Variants in ANO2 observed in about 807,000 individuals in gnomAD.
ANO2 encodes the protein anoctamin-2.
A neutral mutation model predicts 124.2 loss-of-function variants in ANO2; 101 were observed. The observed-to-expected ratio is 0.81, with a 90% CI of 0.69 to 0.96. ANO2 has a LOEUF of 0.96. Ranked by LOEUF, ANO2 falls within the 40% of genes least tolerant of loss-of-function variation. ANO2 has a pLI of 0.00. For missense variants in ANO2, 1,293 were observed against 1,274.5 expected (o/e 1.01, Z -0.22); for synonymous variants, 486 against 482.5 (o/e 1.01, Z -0.09).
At chr12:5,586,745 G>A (rs1011273869) in intron 20 of ANO2, among the ~76,000 whole-genome samples, 2 of 152,132 alleles carry the variant, frequency 1.3e-5, no homozygotes, top group African/African-American at 2.4e-5. Context: ...ACCAGAGCCC[G>A]TCATTTTCAT....
At chr12:5,830,721 A>G (rs1434358181) in intron 5 of ANO2, among the ~76,000 whole-genome samples, 1 of 152,240 alleles carries the variant, frequency 6.6e-6, no homozygotes, top group Non-Finnish European at 1.5e-5. Flanking sequence ...ATAAATAAAA[A>G]TGCTTATTGA....
At position 5,563,496 on chromosome 12, in the gene ANO2, T is replaced by C; in HGVS notation, c.2800A>G (p.Ile934Val). ...PDIPTDISDQ[I>V]KKEKSLLVDF... ...ACTAATAAGCTCTTCTCTTTCTTGA[T>C]CTGGTCGCTGATGTCCGTGGGGATG... The change falls in exon 25 of 25, where the codon ATC becomes GTC. Residue 934 changes from isoleucine to valine, a missense_variant. Ile to Val is a conservative substitution (Grantham distance 29, BLOSUM62 3). Transcript: ENST00000682330. The C allele has an allele frequency of 1.9e-6, 3 of 1,613,984 alleles. No homozygotes were observed. The highest frequency in any genetic ancestry group is 2.2e-5 in the East Asian group (1 of 44,870).
At chr12:5,773,690 C>T (rs1565658743) in intron 10 of ANO2, among the ~76,000 whole-genome samples, 1 of 152,152 alleles carries the variant, frequency 6.6e-6, no homozygotes, top group Admixed American at 6.5e-5. Context: ...TGGAGAGAAA[C>T]CAAAGCCCAG....
chr12:5,567,236 T>G (rs554620713), intron 23 of ANO2, among the ~76,000 whole-genome samples: 1 of 152,286 alleles, frequency 6.6e-6, no homozygotes, highest in African/African-American at 2.4e-5. Context: ...CAAAGCTAAC[T>G]GCAGCCCAGC....
At chr12:5,804,622 T>C (rs1953135941) in intron 9 of ANO2, among the ~76,000 whole-genome samples, 1 of 152,212 alleles carries the variant, frequency 6.6e-6, no homozygotes, top group African/African-American at 2.4e-5. Context: ...CCTGACTTCA[T>C]TATATCAGCC....
chr12:5,884,131 G>C (rs1410682878), intron 3 of ANO2, among the ~76,000 whole-genome samples: 1 of 152,166 alleles, frequency 6.6e-6, no homozygotes, highest in Non-Finnish European at 1.5e-5. Context: ...CCATTATAAA[G>C]GGAAGAACAT....
chr12:5,810,166 A>T (rs1388915048), intron 7 of ANO2, among the ~76,000 whole-genome samples: 1 of 152,108 alleles, frequency 6.6e-6, no homozygotes, highest in Non-Finnish European at 1.5e-5. Flanking sequence ...CCTATGGGTG[A>T]TCCCAATCAG....
intron 2 of ANO2, among the ~76,000 whole-genome samples, chr12:5,922,169 C>G (rs1216495273): frequency 6.6e-6 from 1 of 152,146 alleles, no homozygotes; most frequent in Non-Finnish European, 1.5e-5. Context: ...AGAGAGAACA[C>G]GATGAAGCAG....
At chr12:5,633,385 C>T (rs1013474178) in intron 16 of ANO2, among the ~76,000 whole-genome samples, 3 of 152,176 alleles carry the variant, frequency 2.0e-5, no homozygotes, top group African/African-American at 7.2e-5. Flanking sequence ...TAGCCGCTCT[C>T]AGTTTTACAG....
At chr12:5,751,052 G>T (rs1232121410) in intron 10 of ANO2, 82 bp from the exon 11 acceptor site, 16 of 1,377,200 alleles carry the variant, frequency 1.2e-5, no homozygotes, top group Non-Finnish European at 1.6e-5. Context: ...TATGCCTAAG[G>T]GTGGGTCAAC....
chr12:5,897,879 C>T lies in ANO2; in HGVS notation c.534+23161G>A, dbSNP rs183550068. Among the ~76,000 whole-genome samples the T allele has an allele frequency of 3.5e-3, 535 of 151,764 alleles. 4 individuals carry two copies. The highest frequency in any genetic ancestry group is 0.013 in the African/African-American group (521 of 41,370). ...TTAAACAGAATACAAAAAGCACTGA[C>T]ATAAAGGAAAAGATCAATAAAATGA... On this transcript the variant is annotated intron_variant, in intron 3 of 24. Coordinates refer to ENST00000682330, the MANE Select transcript of ANO2 (RefSeq NM_001364791.2).
chr12:5,877,517 T>C (rs548238107), intron 3 of ANO2, among the ~76,000 whole-genome samples: 12 of 152,280 alleles, frequency 7.9e-5, no homozygotes, highest in African/African-American at 9.6e-5. Context: ...TAGAAGAACA[T>C]AACATGAGGG....
intron 13 of ANO2, among the ~76,000 whole-genome samples, chr12:5,737,473 T>C (rs1406815544): frequency 3.3e-5 from 5 of 152,232 alleles, no homozygotes; most frequent in Admixed American, 3.3e-4. Flanking sequence ...AACTGAGGCT[T>C]TTCTGATGGA....
intron 16 of ANO2, among the ~76,000 whole-genome samples, chr12:5,625,204 C>T (rs752498603): frequency 6.6e-6 from 1 of 151,848 alleles, no homozygotes; most frequent in Non-Finnish European, 1.5e-5. Context: ...GGGGGGAGTG[C>T]GGCACAGAGA....
intron 16 of ANO2, among the ~76,000 whole-genome samples, chr12:5,616,263 A>G (rs1221071328): frequency 6.6e-6 from 1 of 152,184 alleles, no homozygotes; most frequent in East Asian, 1.9e-4. Context: ...AGATCAAGGT[A>G]GATTTGGTGT....
chr12:5,843,113 C>T (rs866678747), intron 4 of ANO2, among the ~76,000 whole-genome samples: 2 of 152,114 alleles, frequency 1.3e-5, no homozygotes, highest in Non-Finnish European at 2.9e-5. Flanking sequence ...CCAACCAACC[C>T]TATGTAAACG....
intron 4 of ANO2, among the ~76,000 whole-genome samples, chr12:5,843,680 G>C (rs1954596133): frequency 6.6e-6 from 1 of 152,156 alleles, no homozygotes; most frequent in Admixed American, 6.5e-5. Flanking sequence ...TCAGGGTGAG[G>C]AGGGAACGCG....
intron 13 of ANO2, among the ~76,000 whole-genome samples, chr12:5,738,943 T>A (rs534796364): frequency 6.6e-6 from 1 of 152,250 alleles, no homozygotes; most frequent in African/African-American, 2.4e-5. Context: ...GCCTCTCCTT[T>A]GGCCCTCAGG....
intron 4 of ANO2, among the ~76,000 whole-genome samples, chr12:5,839,766 G>A (rs1215702353): frequency 1.3e-5 from 2 of 152,188 alleles, no homozygotes; most frequent in Non-Finnish European, 2.9e-5. Flanking sequence ...AGGTGTGCCT[G>A]CCAGGTAGGA....
Sources: gnomAD v4.1 joint callset for allele counts (sites outside exome capture counted in the v4.1 genomes callset) on GRCh38, gnomAD v4.1.1 for gene constraint, MANE v1.5 for transcripts, NCBI Gene and HGNC (gene_info 2026-07-23, HGNC 2026-07-21) for gene names.